Variants in MGAT4C observed in about 807,000 individuals in gnomAD.
The protein encoded by MGAT4C is MGAT4 family member C.
Under a neutral mutation model 40.1 loss-of-function variants are expected in MGAT4C, and 19 were observed. The ratio of observed to expected loss-of-function variants is 0.47; its 90% CI spans 0.33 to 0.70. The LOEUF is 0.70. Among genes scored for constraint, MGAT4C ranks in the 30% least tolerant of loss-of-function variants. MGAT4C has a pLI of 0.02. For synonymous variants in MGAT4C, 181 were observed against 187.1 expected (o/e 0.97, Z 0.27); for missense variants, 491 against 563.2 (o/e 0.87, Z 1.30).
intron 1 of MGAT4C, among the ~76,000 whole-genome samples, chr12:86,761,655 G>T (rs1009525815): frequency 6.6e-6 from 1 of 152,132 alleles, no homozygotes; most frequent in Admixed American, 6.6e-5. Flanking sequence ...TGCTCTCATG[G>T]GAGAATTAAT....
chr12:86,632,580 A>T (rs1963091163), intron 2 of MGAT4C, among the ~76,000 whole-genome samples: 1 of 152,148 alleles, frequency 6.6e-6, no homozygotes, highest in Non-Finnish European at 1.5e-5. Flanking sequence ...TGCAGCCATA[A>T]AAAAGGATGA....
chr12:86,824,736 C>CAAAA (rs35714537), intron 1 of MGAT4C, among the ~76,000 whole-genome samples: 2 of 60,238 alleles, frequency 3.3e-5, no homozygotes, highest in South Asian at 5.6e-4. Flanking sequence ...ACAGCCAGGC[C>CAAAA]AAAAAAAAAA....
rs370869346 is a variant in MGAT4C at position 85,989,505 on chromosome 12, A to G, written c.42T>C (p.Leu14=). The G allele has an allele frequency of 1.2e-6, 2 of 1,604,614 alleles. No homozygotes were observed. The highest frequency in any genetic ancestry group is 1.7e-5 in the Admixed American group (1 of 59,158). The change falls in exon 3 of 5, where the codon CTT becomes CTC. Residue 14 remains leucine (L), a synonymous_variant. Coordinates refer to ENST00000611864, the MANE Select transcript of MGAT4C (RefSeq NM_001351288.2). ...FHQMKHIFEI[L]DKMRCLRKRS... ...GTTTTCTCAGGCATCTCATTTTATC[A>G]AGTATTTCAAAAATATGTTTCATTT...
At chr12:86,374,694 C>T (rs1279145960) in intron 3 of MGAT4C, among the ~76,000 whole-genome samples, 2 of 152,088 alleles carry the variant, frequency 1.3e-5, no homozygotes, top group Admixed American at 6.6e-5. Context: ...TTATGCTTCA[C>T]CATGCACTTG....
At chr12:86,134,663 G>A (rs1221417319) in intron 1 of MGAT4C, among the ~76,000 whole-genome samples, 1 of 152,062 alleles carries the variant, frequency 6.6e-6, no homozygotes, top group Non-Finnish European at 1.5e-5. Context: ...AAGAAAATTA[G>A]AAAACTGCTG....
rs1231445837 is a variant in MGAT4C, at chr12:86,460,620, C to T, written c.-228-25355G>A. ...AGGATAGCATGTGTGTGTCTGTATG[C>T]ATGTGTGTGTCTTTGTGTGTGTCTC... is the stretch of plus-strand genomic sequence containing the variant. On this transcript the variant is annotated intron_variant, in intron 2 of 7. Transcript: ENST00000548651. Among the ~76,000 whole-genome samples, 6 of 151,726 alleles carry T rather than the reference C, an allele frequency of 4.0e-5. No individual in the cohort carries two copies. The East Asian group carries it at 5.8e-4, about 15-fold the overall frequency.
chr12:86,656,070 A>C (rs910208444), intron 2 of MGAT4C, among the ~76,000 whole-genome samples: 1 of 152,080 alleles, frequency 6.6e-6, no homozygotes, highest in Non-Finnish European at 1.5e-5. Context: ...TGACTTTCTC[A>C]TAAGTAGAGC....
chr12:86,144,982 A>C (rs1203132388), intron 1 of MGAT4C, among the ~76,000 whole-genome samples: 1 of 152,138 alleles, frequency 6.6e-6, no homozygotes. Context: ...AAAACAAAAC[A>C]AAACAAAAAA....
chr12:86,180,570 C>T (rs772388580), intron 1 of MGAT4C, among the ~76,000 whole-genome samples: 1 of 152,128 alleles, frequency 6.6e-6, no homozygotes, highest in East Asian at 1.9e-4. Flanking sequence ...CTATGGGAAC[C>T]CACCTCTTGC....
In MGAT4C at chr12:86,408,471, CTCTCTCTCTATATA is replaced by C. The variant is rs1180127517; in HGVS notation, c.-120+26672_-120+26685del. 1.0e-4 allele frequency among the ~76,000 whole-genome samples: 11 copies of C among 109,428 alleles called. No homozygotes were observed. In the East Asian group the frequency reaches 1.1e-3, roughly 11 times the overall value. 71.8% of individuals were successfully genotyped at this position (109,428 alleles called of 152,430 possible). ...AAACTCTCTCTCTCTCTCTCTCTCTCTCTCTCTCTATATATATATATATATATATATATATATAT... is the reference window on the plus strand; with the variant it reads ...AAACTCTCTCTCTCTCTCTCTCTCTCTATATATATATATATATATATATAT... On this transcript the variant is annotated intron_variant, in intron 3 of 7. Coordinates refer to the MGAT4C transcript ENST00000548651.
chr12:86,588,893 A>G (rs1412154812), intron 2 of MGAT4C, among the ~76,000 whole-genome samples: 1 of 151,916 alleles, frequency 6.6e-6, no homozygotes, highest in Non-Finnish European at 1.5e-5. Context: ...TCTGGGACAC[A>G]TTCAAAGCAG....
At chr12:86,094,521 G>C (rs1447286327) in intron 1 of MGAT4C, among the ~76,000 whole-genome samples, 1 of 151,966 alleles carries the variant, frequency 6.6e-6, no homozygotes, top group Non-Finnish European at 1.5e-5. Flanking sequence ...TATTTTAAAA[G>C]ACAAAAGTAT....
intron 1 of MGAT4C, among the ~76,000 whole-genome samples, chr12:86,145,524 T>C (rs149188254): frequency 6.6e-6 from 1 of 152,332 alleles, no homozygotes. Context: ...ATTATATTTT[T>C]ATGTTGTGAA....
At chr12:86,838,810 T>C (rs992948889) in exon 1 of MGAT4C, 5 of 152,240 alleles carry the variant, frequency 3.3e-5, no homozygotes, top group African/African-American at 1.2e-4. Context: ...AATTTAAATA[T>C]TTCTTGGAAT....
chr12:86,509,617 T>G (rs1003875610), intron 2 of MGAT4C, among the ~76,000 whole-genome samples: 5 of 152,154 alleles, frequency 3.3e-5, no homozygotes, highest in African/African-American at 9.7e-5. Flanking sequence ...GGTAGCTTGA[T>G]GGGGATGGCA....
At chr12:86,611,544 C>G (rs1474110090) in intron 2 of MGAT4C, among the ~76,000 whole-genome samples, 1 of 151,996 alleles carries the variant, frequency 6.6e-6, no homozygotes, top group Non-Finnish European at 1.5e-5. Flanking sequence ...CCTGAAATTA[C>G]CCTTCATAAC....
intron 2 of MGAT4C, among the ~76,000 whole-genome samples, chr12:86,498,458 T>C (rs1958280791): frequency 6.6e-6 from 1 of 151,848 alleles, no homozygotes; most frequent in Non-Finnish European, 1.5e-5. Context: ...ACATAAAATA[T>C]ATGTAAGATT....
chr12:86,161,552 T>A (rs1185521775), intron 1 of MGAT4C, among the ~76,000 whole-genome samples: 1 of 151,960 alleles, frequency 6.6e-6, no homozygotes, highest in African/African-American at 2.4e-5. Flanking sequence ...ACTATAAAAA[T>A]CCTGGAAGAC....
intron 1 of MGAT4C, among the ~76,000 whole-genome samples, chr12:86,251,436 A>G (rs891225366): frequency 1.1e-4 from 17 of 152,042 alleles, no homozygotes; most frequent in African/African-American, 4.1e-4. Context: ...CACTTATTGC[A>G]TATTCTTACA....
Sources: allele counts gnomAD v4.1 joint callset (sites outside exome capture counted in the v4.1 genomes callset), GRCh38; gene constraint gnomAD v4.1.1; transcripts MANE v1.5; gene names NCBI Gene and HGNC (gene_info 2026-07-23, HGNC 2026-07-21).